XKR6: variants seen among roughly 807,000 people sequenced by gnomAD.
XKR6 encodes the protein XK-related protein 6.
In XKR6, 22 loss-of-function variants were observed where a neutral mutation model predicts 56.7. The ratio of observed to expected loss-of-function variants is 0.39; its 90% CI spans 0.28 to 0.55. The LOEUF (loss-of-function observed/expected upper bound fraction) is 0.55, where lower values mean the gene tolerates loss of function less well. Ranked by LOEUF, XKR6 falls within the 20% of genes least tolerant of loss-of-function variation. XKR6 has a pLI of 0.66. For missense variants in XKR6, 852 were observed against 889.0 expected, an observed-to-expected ratio of 0.96 and a Z score of 0.53; for synonymous variants, 524 against 387.8, an observed-to-expected ratio of 1.35 and a Z score of -4.13.
chr8:11,145,288 G>C (rs117463606), intron 1 of XKR6, among the ~76,000 whole-genome samples: 1,611 of 152,062 alleles, frequency 0.011, 13 homozygotes, highest in Non-Finnish European at 0.015. Flanking sequence ...AACACTTCTG[G>C]TTCCAAATGT....
chr8:10,998,442 C>A (rs1031959783), intron 1 of XKR6, among the ~76,000 whole-genome samples: 1 of 152,208 alleles, frequency 6.6e-6, no homozygotes, highest in Non-Finnish European at 1.5e-5. Context: ...ATTCACCTCT[C>A]CTTCTCACTC....
chr8:10,927,647 A>C (rs1244216552), intron 1 of XKR6, among the ~76,000 whole-genome samples: 1 of 152,146 alleles, frequency 6.6e-6, no homozygotes, highest in Non-Finnish European at 1.5e-5. Context: ...ATTCTCCCAA[A>C]GCCACAGGCC....
At chr8:10,978,768 C>T (rs1003613768) in intron 1 of XKR6, among the ~76,000 whole-genome samples, 2 of 152,224 alleles carry the variant, frequency 1.3e-5, no homozygotes, top group African/African-American at 4.8e-5. Context: ...TGGCCAGGGG[C>T]AGCCAGACAA....
chr8:10,912,409 G>A (rs1800416496), intron 2 of XKR6, among the ~76,000 whole-genome samples: 1 of 129,936 alleles, frequency 7.7e-6, no homozygotes, highest in African/African-American at 2.8e-5. Context: ...TATATATAAA[G>A]AGAGTGAGCA....
chr8:11,168,626 A>G (rs1205198543), intron 1 of XKR6, among the ~76,000 whole-genome samples: 1 of 152,254 alleles, frequency 6.6e-6, no homozygotes, highest in East Asian at 1.9e-4. Flanking sequence ...ACTCTCCAGA[A>G]GAGACTATGT....
intron 1 of XKR6, among the ~76,000 whole-genome samples, chr8:11,177,777 G>A (rs1802735253): frequency 6.6e-6 from 1 of 152,248 alleles, no homozygotes; most frequent in African/African-American, 2.4e-5. Context: ...TCTCAGGGGA[G>A]CAGTGCCCTG....
intron 1 of XKR6, among the ~76,000 whole-genome samples, chr8:10,946,990 G>A (rs1192010457): frequency 2.6e-5 from 4 of 152,174 alleles, no homozygotes; most frequent in Non-Finnish European, 5.9e-5. Flanking sequence ...GAAGGAATAA[G>A]GGGAGGCCAG....
intron 1 of XKR6, among the ~76,000 whole-genome samples, chr8:11,082,918 T>C (rs1014142924): frequency 6.6e-6 from 1 of 152,240 alleles, no homozygotes; most frequent in Non-Finnish European, 1.5e-5. Flanking sequence ...TTTCTATTTC[T>C]GTATTTATTT....
intron 1 of XKR6, among the ~76,000 whole-genome samples, chr8:11,175,911 A>C (rs1275056381): frequency 6.6e-6 from 1 of 152,188 alleles, no homozygotes; most frequent in Non-Finnish European, 1.5e-5. Flanking sequence ...ACAAGAATAC[A>C]GGTTAGCAAC....
At chr8:11,033,418 A>ATGG (rs1799053368) in intron 1 of XKR6, among the ~76,000 whole-genome samples, 1 of 120,748 alleles carries the variant, frequency 8.3e-6, no homozygotes, top group East Asian at 2.4e-4. Flanking sequence ...GGTGATGATG[A>ATGG]TGATGATGAT....
chr8:11,167,890 TAAAAA>T (rs34853825), intron 1 of XKR6, among the ~76,000 whole-genome samples: 10 of 108,374 alleles, frequency 9.2e-5, no homozygotes, highest in South Asian at 6.5e-4. Flanking sequence ...CCCCATCTCT[TAAAAA>T]AAAAAAAAAA....
chr8:10,905,957 G>A (rs923995460), intron 2 of XKR6, among the ~76,000 whole-genome samples: 2 of 152,114 alleles, frequency 1.3e-5, no homozygotes, highest in Non-Finnish European at 2.9e-5. Context: ...TGTGACAAAG[G>A]TACTTTCCTA....
chr8:11,006,174 A>C (rs1408538301), intron 1 of XKR6, among the ~76,000 whole-genome samples: 1 of 152,176 alleles, frequency 6.6e-6, no homozygotes, highest in Non-Finnish European at 1.5e-5. Flanking sequence ...GGAGAGAAAG[A>C]AAAATAAGAG....
rs903485442 is a variant in XKR6 at position 11,169,717 on chromosome 8, T to C, written c.764+30859A>G. Among the ~76,000 whole-genome samples the C allele has an allele frequency of 3.3e-5, 5 of 152,314 alleles. 1 individual carries two copies. The highest frequency in any genetic ancestry group is 7.4e-5 in the Non-Finnish European group (5 of 68,020). On this transcript the variant is annotated intron_variant, in intron 1 of 2. Transcript: ENST00000416569. The stretch of plus-strand genomic sequence containing the variant: ...TTCTGGAAATGGACAGTGGTGATAA[T>C]TGCACAACACTGTGAATCTACCTCA...
intron 2 of XKR6, among the ~76,000 whole-genome samples, chr8:10,923,301 T>G (rs997176865): frequency 1.3e-5 from 2 of 152,206 alleles, no homozygotes; most frequent in East Asian, 3.9e-4. Flanking sequence ...CCAGCAGGAC[T>G]GCAGCCAGCA....
At chr8:10,978,194 G>C (rs1394308155) in intron 1 of XKR6, among the ~76,000 whole-genome samples, 1 of 152,168 alleles carries the variant, frequency 6.6e-6, no homozygotes, top group African/African-American at 2.4e-5. Context: ...CCATGATTCA[G>C]AACAGATTCA....
intron 1 of XKR6, among the ~76,000 whole-genome samples, chr8:11,024,453 C>A (rs569001648): frequency 6.6e-6 from 1 of 152,268 alleles, no homozygotes; most frequent in South Asian, 2.1e-4. Flanking sequence ...ATAAAGTAAT[C>A]CAGGTAAAAT....
intron 1 of XKR6, chr8:11,136,889 T>C (rs1800428980): frequency 6.6e-6 from 1 of 152,272 alleles, no homozygotes; most frequent in Non-Finnish European, 1.5e-5. Flanking sequence ...ACAGGTTGCA[T>C]CATTTCTTTT....
At chr8:10,977,856 G>C (rs891564593) in intron 1 of XKR6, among the ~76,000 whole-genome samples, 11 of 151,912 alleles carry the variant, frequency 7.2e-5, no homozygotes, top group Admixed American at 7.2e-4. Flanking sequence ...CTTTTGAAAA[G>C]CTAATTTTTG....
Sources: gnomAD v4.1 joint callset for allele counts (sites outside exome capture counted in the v4.1 genomes callset) on GRCh38, gnomAD v4.1.1 for gene constraint, MANE v1.5 for transcripts, NCBI Gene and HGNC (gene_info 2026-07-23, HGNC 2026-07-21) for gene names.